Variants in MPDZ observed in about 807,000 individuals in gnomAD.
MPDZ encodes the protein multiple PDZ domain protein.
A neutral mutation model predicts 239.1 loss-of-function variants in MPDZ; 234 were observed. The ratio of observed to expected loss-of-function variants is 0.98; its 90% CI spans 0.88 to 1.09. The LOEUF (loss-of-function observed/expected upper bound fraction) is 1.09, where lower values mean the gene tolerates loss of function less well. Ranked by LOEUF, MPDZ falls within the 50% of genes least tolerant of loss-of-function variation. MPDZ has a pLI of 0.00. For synonymous variants in MPDZ, 1,048 were observed against 881.3 expected (o/e 1.19, Z -3.35); for missense variants, 3,175 against 2,510.0 (o/e 1.26, Z -5.66).
In MPDZ at chr9:13,113,943, T is replaced by C; in HGVS notation, c.5545A>G (p.Lys1849Glu). Residue 1849 changes from lysine (K) to glutamate (E), a missense_variant, in exon 41 of 47, where the codon AAG (lysine) becomes GAG (glutamate). By Grantham distance (56) the Lys-to-Glu change is moderately conservative (BLOSUM62 1). Coordinates refer to ENST00000319217, the MANE Select transcript of MPDZ (RefSeq NM_001378778.1). ...STSESLESSS[K>E]KNALASEIQG... ...GAACCAATCTTACATGCATTCTTCT[T>C]TGAGCTACTTTCCAGTGACTCAGAT... The C allele has an allele frequency of 6.3e-7, 1 of 1,590,790 alleles. No individual in the cohort carries two copies. Among genetic ancestry groups the C allele is most frequent in the East Asian group, 2.3e-5 (1 of 44,328 alleles).
intron 28 of MPDZ, chr9:13,139,776 C>G: frequency 1.7e-6 from 1 of 580,276 alleles, no homozygotes; most frequent in Non-Finnish European, 3.1e-6. Flanking sequence ...TGAGCTTTAA[C>G]AGCACTTTTA....
At chr9:13,205,007 T>G in intron 12 of MPDZ, 29 bp downstream of exon 12, 2 of 1,336,976 alleles carry the variant, frequency 1.5e-6, no homozygotes, top group Non-Finnish European at 2.0e-6. Flanking sequence ...AATAATGAAG[T>G]ACACAATAAG....
chr9:13,119,025 T>G (rs1943929442), intron 39 of MPDZ, among the ~76,000 whole-genome samples: 1 of 152,224 alleles, frequency 6.6e-6, no homozygotes, highest in Admixed American at 6.5e-5. Flanking sequence ...GTTCAACAGT[T>G]TTGAGTCAGA....
chr9:13,112,588 C>T (rs561513810), intron 42 of MPDZ, among the ~76,000 whole-genome samples: 9 of 152,282 alleles, frequency 5.9e-5, no homozygotes, highest in African/African-American at 2.2e-4. Context: ...TATTAAATGA[C>T]ATGATGATGA....
At chr9:13,174,906 A>G (rs1952256476) in intron 21 of MPDZ, among the ~76,000 whole-genome samples, 2 of 152,226 alleles carry the variant, frequency 1.3e-5, no homozygotes, top group Admixed American at 6.5e-5. Flanking sequence ...TCATCAAGTA[A>G]GCACTGCTGG....
At chr9:13,275,226 G>C (rs1418066927) in intron 1 of MPDZ, among the ~76,000 whole-genome samples, 1 of 152,300 alleles carries the variant, frequency 6.6e-6, no homozygotes, top group African/African-American at 2.4e-5. Flanking sequence ...CCTAATCCCT[G>C]TACCTCACAA....
Position 13,160,830 on chromosome 9 carries a change from T to TTATATATATATATATATATA in MPDZ, c.3359+1841_3359+1860dup, listed in dbSNP as rs58374268. Reference sequence around the variant, plus strand: ...CTTTTTTTTCTTGTCATTATTAAAATTATATATATATATATATATATATAT... The same window carrying TTATATATATATATATATATA: ...CTTTTTTTTCTTGTCATTATTAAAATTATATATATATATATATATATATATATATATATATATATATATAT... On this transcript the variant is annotated intron_variant, in intron 23 of 46. Transcript: ENST00000319217. Among the ~76,000 whole-genome samples, 11 of 37,988 alleles carry TTATATATATATATATATATA rather than the reference T, an allele frequency of 2.9e-4. 1 individual carries two copies. Among genetic ancestry groups the TTATATATATATATATATATA allele is most frequent in the Non-Finnish European group, 3.7e-4 (7 of 18,996 alleles). The allele number at this position is 37,988 out of a possible 152,430, so 24.9% of individuals were successfully genotyped here. A position where few individuals can be genotyped will look rare whatever the true frequency, so the allele number is the denominator to read the frequency against.
At chr9:13,264,295 CATAG>C (rs986323857) in intron 1 of MPDZ, among the ~76,000 whole-genome samples, 21 of 152,236 alleles carry the variant, frequency 1.4e-4, no homozygotes, top group African/African-American at 3.9e-4. Flanking sequence ...TCCTAAAACA[CATAG>C]ATACACAACT....
intron 22 of MPDZ, among the ~76,000 whole-genome samples, chr9:13,166,608 G>A (rs1037610506): frequency 1.3e-5 from 2 of 152,046 alleles, no homozygotes; most frequent in Admixed American, 6.6e-5. Flanking sequence ...AGGAGGGAAG[G>A]TTGTACGATT....
At chr9:13,172,796 G>C (rs1168879728) in intron 21 of MPDZ, among the ~76,000 whole-genome samples, 2 of 152,162 alleles carry the variant, frequency 1.3e-5, no homozygotes, top group African/African-American at 2.4e-5. Flanking sequence ...GGAAAGGAAG[G>C]ACACTTCTAC....
Position 13,193,275 on chromosome 9 carries a change from C to T in MPDZ, c.1695G>A (p.Leu565=), listed in dbSNP as rs774264986. ...CCACTGTCGCTTCCAGGCTTATCCC[C>T]AATCCACTGTTCTCACTAAACTTGC... ...HVSKFSENSG[L]GISLEATVGH... The change falls in exon 14 of 47, where the codon TTG becomes TTA. Residue 565 remains leucine, a synonymous_variant. Transcript: ENST00000319217. 1 of 1,611,904 alleles carries T rather than the reference C, an allele frequency of 6.2e-7. No individual in the cohort carries two copies. Among genetic ancestry groups the T allele is most frequent in the South Asian group, 1.1e-5 (1 of 90,868 alleles).
At chr9:13,117,910 T>C (rs1421032078) in intron 39 of MPDZ, among the ~76,000 whole-genome samples, 2 of 150,116 alleles carry the variant, frequency 1.3e-5, no homozygotes, top group East Asian at 2.0e-4. Context: ...AATGATGCGA[T>C]CTCGGCTTAC....
intron 15 of MPDZ, 45 bp downstream of exon 15, chr9:13,192,086 T>G: frequency 6.9e-7 from 1 of 1,442,922 alleles, no homozygotes; most frequent in Non-Finnish European, 9.2e-7. Flanking sequence ...CATTTAGCCT[T>G]TCCATTATAT....
At chr9:13,198,446 AT>A (rs1036286729) in intron 12 of MPDZ, among the ~76,000 whole-genome samples, 3 of 151,296 alleles carry the variant, frequency 2.0e-5, no homozygotes, top group Non-Finnish European at 4.4e-5. Flanking sequence ...AGATTATTTG[AT>A]TTTTTTTCTA....
At position 13,106,839 on chromosome 9, in the gene MPDZ, T is replaced by G; in HGVS notation, c.*126A>C. On this transcript the variant is annotated 3_prime_UTR_variant, in exon 47 of 47. Transcript: ENST00000319217. ...TCTAGATGAGAAAAAGAAACTTAAG[T>G]GTTATTTCCCCCCTACAGTTTTGAA... The G allele has an allele frequency of 2.0e-6, 2 of 990,392 alleles. No individual in the cohort carries two copies. The highest frequency in any genetic ancestry group is 1.5e-6 in the Non-Finnish European group (1 of 688,286). 61.4% of individuals were successfully genotyped at this position (990,392 alleles called of 1,614,324 possible).
intron 24 of MPDZ, among the ~76,000 whole-genome samples, chr9:13,156,806 G>GT (rs547929370): frequency 6.6e-6 from 1 of 152,122 alleles, no homozygotes; most frequent in South Asian, 2.1e-4. Flanking sequence ...CTACAAAACA[G>GT]TTTCATTTAA....
At chr9:13,124,871 T>C (rs935509300) in intron 35 of MPDZ, among the ~76,000 whole-genome samples, 1 of 152,178 alleles carries the variant, frequency 6.6e-6, no homozygotes, top group African/African-American at 2.4e-5. Flanking sequence ...ATATTTCTAA[T>C]TCATTAGTTA....
intron 18 of MPDZ, 114 bp downstream of exon 18, chr9:13,186,156 T>C (rs1385813844): frequency 2.0e-6 from 1 of 504,442 alleles, no homozygotes; most frequent in East Asian, 3.4e-5. Context: ...ATGTTTATCT[T>C]TCCAAATATA....
At chr9:13,167,335 C>G (rs901683658) in intron 22 of MPDZ, among the ~76,000 whole-genome samples, 1 of 152,034 alleles carries the variant, frequency 6.6e-6, no homozygotes, top group Non-Finnish European at 1.5e-5. Context: ...AAAGCATACA[C>G]AAATATGAAA....
Sources: allele counts gnomAD v4.1 joint callset (sites outside exome capture counted in the v4.1 genomes callset), GRCh38; gene constraint gnomAD v4.1.1; transcripts MANE v1.5; gene names NCBI Gene and HGNC (gene_info 2026-07-23, HGNC 2026-07-21).